CTNNA3: variants seen among roughly 807,000 people sequenced by gnomAD.
The protein encoded by CTNNA3 is catenin alpha-3.
In CTNNA3, 76 loss-of-function variants were observed where a neutral mutation model predicts 95.7. That is an observed-to-expected ratio of 0.79 (90% confidence interval 0.66 to 0.96). CTNNA3 has a LOEUF of 0.96. Among genes scored for constraint, CTNNA3 ranks in the 40% least tolerant of loss-of-function variants. The pLI is 0.00. For synonymous variants in CTNNA3, 431 were observed against 374.4 expected, an observed-to-expected ratio of 1.15 and a Z score of -1.74; for missense variants, 1,191 against 1,089.8, an observed-to-expected ratio of 1.09 and a Z score of -1.31.
At chr10:67,532,591 A>C (rs1030813949) in intron 4 of CTNNA3, among the ~76,000 whole-genome samples, 1 of 152,212 alleles carries the variant, frequency 6.6e-6, no homozygotes, top group Non-Finnish European at 1.5e-5. Context: ...TGGTATGATA[A>C]ATGGAAAAAG....
chr10:66,227,779 G>A (rs1255699521), intron 13 of CTNNA3, among the ~76,000 whole-genome samples: 1 of 152,116 alleles, frequency 6.6e-6, no homozygotes, highest in African/African-American at 2.4e-5. Context: ...GAATTTAGCA[G>A]TGAAGTCATC....
At chr10:66,155,917 A>T (rs564385316) in intron 13 of CTNNA3, among the ~76,000 whole-genome samples, 7 of 151,984 alleles carry the variant, frequency 4.6e-5, no homozygotes, top group African/African-American at 1.7e-4. Context: ...GAACTCAAAA[A>T]AAATCAGTAA....
At chr10:66,879,040 A>G (rs772075965) in intron 7 of CTNNA3, among the ~76,000 whole-genome samples, 1 of 152,106 alleles carries the variant, frequency 6.6e-6, no homozygotes, top group Non-Finnish European at 1.5e-5. Context: ...CAATTCTGTG[A>G]TAGAGGTAGT....
chr10:66,958,308 C>CAAAA lies in CTNNA3; in HGVS notation c.1048-182788_1048-182785dup, dbSNP rs35076056. On this transcript the variant is annotated intron_variant, in intron 7 of 17. Transcript: ENST00000433211. ...TTTTTTTCCTCCACCTGCTTTCTTG[C>CAAAA]AAAAAAAAAAAAAAAAAAAAAAAAA... Among the ~76,000 whole-genome samples, 20 of 86,946 alleles carry CAAAA rather than the reference C, an allele frequency of 2.3e-4. 1 individual carries two copies. The highest frequency in any genetic ancestry group is 5.7e-4 in the African/African-American group (14 of 24,416). The allele number at this position is 86,946 out of a possible 152,430, so 57.0% of individuals were successfully genotyped here. A position where few individuals can be genotyped will look rare whatever the true frequency, so the allele number is the denominator to read the frequency against.
chr10:67,579,584 G>T (rs1842306158), intron 3 of CTNNA3, among the ~76,000 whole-genome samples: 1 of 152,140 alleles, frequency 6.6e-6, no homozygotes, highest in South Asian at 2.1e-4. Context: ...TGGGGTCACT[G>T]GGTCAAATGG....
chr10:67,583,695 C>G (rs551640262), intron 3 of CTNNA3, among the ~76,000 whole-genome samples: 2 of 152,226 alleles, frequency 1.3e-5, no homozygotes, highest in African/African-American at 4.8e-5. Flanking sequence ...TTCAGGTACA[C>G]CAATCAGACG....
intron 5 of CTNNA3, among the ~76,000 whole-genome samples, chr10:67,221,549 A>G (rs561583210): frequency 6.6e-6 from 1 of 152,154 alleles, no homozygotes; most frequent in East Asian, 1.9e-4. Flanking sequence ...ACTATGTGAC[A>G]TTATTTCCTA....
intron 9 of CTNNA3, among the ~76,000 whole-genome samples, chr10:66,664,589 C>T (rs1045496871): frequency 6.6e-6 from 1 of 151,928 alleles, no homozygotes; most frequent in African/African-American, 2.4e-5. Context: ...GCCATGACTA[C>T]GACAAGCCTG....
chr10:66,159,760 C>T (rs888037486), intron 13 of CTNNA3, among the ~76,000 whole-genome samples: 1 of 150,110 alleles, frequency 6.7e-6, no homozygotes, highest in Non-Finnish European at 1.5e-5. Flanking sequence ...GGTACCAATT[C>T]TTCTTAGAAT....
chr10:66,185,053 G>A (rs2086257665), intron 13 of CTNNA3, among the ~76,000 whole-genome samples: 1 of 152,166 alleles, frequency 6.6e-6, no homozygotes, highest in South Asian at 2.1e-4. Context: ...GCAACTGTGT[G>A]CATAGCACTC....
chr10:67,745,582 G>A (rs2131743713), intron 1 of CTNNA3, among the ~76,000 whole-genome samples: 1 of 151,562 alleles, frequency 6.6e-6, no homozygotes, highest in East Asian at 1.9e-4. Flanking sequence ...AATGGGTGCA[G>A]CACACCAACA....
At chr10:66,882,393 T>C (rs915886540) in intron 7 of CTNNA3, among the ~76,000 whole-genome samples, 4 of 152,148 alleles carry the variant, frequency 2.6e-5, no homozygotes, top group African/African-American at 9.7e-5. Flanking sequence ...TGGCCTTGAA[T>C]TTCGGCCATC....
At chr10:66,542,578 G>A (rs1437866977) in intron 10 of CTNNA3, among the ~76,000 whole-genome samples, 2 of 152,114 alleles carry the variant, frequency 1.3e-5, no homozygotes, top group African/African-American at 4.8e-5. Flanking sequence ...ATGAGTTCAT[G>A]TCCTTTGTAT....
intron 13 of CTNNA3, among the ~76,000 whole-genome samples, chr10:66,133,629 A>G (rs773239436): frequency 5.9e-5 from 9 of 152,178 alleles, no homozygotes; most frequent in Admixed American, 1.3e-4. Context: ...GATTAGCCCA[A>G]TTAGAAATGA....
chr10:67,102,171 C>T (rs1436877830), intron 7 of CTNNA3, among the ~76,000 whole-genome samples: 1 of 151,622 alleles, frequency 6.6e-6, no homozygotes, highest in Non-Finnish European at 1.5e-5. Context: ...CATGACCTTC[C>T]CAATTTTCCC....
At chr10:66,299,452 A>G (rs1428221050) in intron 12 of CTNNA3, among the ~76,000 whole-genome samples, 1 of 152,214 alleles carries the variant, frequency 6.6e-6, no homozygotes, top group East Asian at 1.9e-4. Flanking sequence ...TAAGTGCTAG[A>G]GTGGTGTTTG....
chr10:67,726,616 A>AATATATATTATATTATATAATATG (rs1564841346), intron 1 of CTNNA3, among the ~76,000 whole-genome samples: 6 of 19,032 alleles, frequency 3.2e-4, no homozygotes, highest in African/African-American at 7.9e-4. Context: ...TATATAATAT[A>AATATATATTATATTATATAATATG]TAATATATAT....
intron 13 of CTNNA3, among the ~76,000 whole-genome samples, chr10:66,201,671 A>G (rs898902343): frequency 1.3e-5 from 2 of 151,754 alleles, no homozygotes; most frequent in Non-Finnish European, 2.9e-5. Context: ...TGTATATCCT[A>G]TATTTCCAAA....
intron 7 of CTNNA3, among the ~76,000 whole-genome samples, chr10:67,087,376 T>C (rs190224222): frequency 6.6e-6 from 1 of 152,070 alleles, no homozygotes; most frequent in Admixed American, 6.6e-5. Flanking sequence ...ATTGTGGAAG[T>C]TATTAGATGA....
Sources: allele counts gnomAD v4.1 joint callset (sites outside exome capture counted in the v4.1 genomes callset), GRCh38; gene constraint gnomAD v4.1.1; transcripts MANE v1.5; gene names NCBI Gene and HGNC (gene_info 2026-07-23, HGNC 2026-07-21).